Variants in ALDH5A1 observed in about 807,000 individuals in gnomAD.
The protein encoded by ALDH5A1 is aldehyde dehydrogenase 5 family member A1, also known as succinate-semialdehyde dehydrogenase, mitochondrial.
A neutral mutation model predicts 54.7 loss-of-function variants in ALDH5A1; 33 were observed. That is an observed-to-expected ratio of 0.60 (90% confidence interval 0.46 to 0.81). The LOEUF is 0.81. Ranked by LOEUF, ALDH5A1 falls within the 30% of genes least tolerant of loss-of-function variation. The pLI is 0.00. For synonymous variants in ALDH5A1, 294 were observed against 292.7 expected, an observed-to-expected ratio of 1.00 and a Z score of -0.05; for missense variants, 657 against 711.0, an observed-to-expected ratio of 0.92 and a Z score of 0.86.
chr6:24,508,283 G>A (rs2744587), intron 4 of ALDH5A1, among the ~76,000 whole-genome samples: 48,868 of 145,400 alleles, frequency 0.34, 8,386 homozygotes, highest in African/African-American at 0.4. Flanking sequence ...GAATCACTTG[G>A]ACTGAGAGGC....
rs1166181432 is a variant in ALDH5A1 at position 24,536,331 on chromosome 6, A to T, written c.*2619A>T. 3 of 152,206 alleles carry T rather than the reference A, an allele frequency of 2.0e-5. No homozygotes were observed. The highest frequency in any genetic ancestry group is 4.4e-5 in the Non-Finnish European group (3 of 68,042). The allele number at this position is 152,206 out of a possible 1,614,324, so 9.4% of individuals were successfully genotyped here. On this transcript the variant is annotated 3_prime_UTR_variant, in exon 10 of 10. Coordinates refer to ENST00000357578, the MANE Select transcript of ALDH5A1 (RefSeq NM_001080.3). ...CAAAAGAAGAACAATATTTCATGAC[A>T]CCTGAAAATTCTATGAAATTCAGAT...
rs1184463572 is a variant in ALDH5A1 at position 24,503,353 on chromosome 6, G to GAC, written c.531_532dup (p.Ile178ThrfsTer19). On this transcript the variant is annotated frameshift_variant, in exon 3 of 10. Transcript: ENST00000357578. LOFTEE classifies it high-confidence loss of function. ...TGAGGAAGCCCGCCGTGTTTACGGA[G>GAC]ACATTATCCACACCCCGGCAAAGGA... is the stretch of plus-strand genomic sequence containing the variant. 1.2e-6 allele frequency: 2 copies of GAC among 1,614,114 alleles called. No individual in the cohort carries two copies. The highest frequency in any genetic ancestry group is 1.7e-6 in the Non-Finnish European group (2 of 1,180,040).
intron 8 of ALDH5A1, among the ~76,000 whole-genome samples, chr6:24,530,501 C>T (rs1053570701): frequency 7.2e-5 from 11 of 152,280 alleles, no homozygotes; most frequent in East Asian, 1.9e-4. Flanking sequence ...CTTGCACCGT[C>T]GGCAGCCTTG....
At chr6:24,499,842 G>A (rs1474072543) in intron 1 of ALDH5A1, among the ~76,000 whole-genome samples, 1 of 151,994 alleles carries the variant, frequency 6.6e-6, no homozygotes, top group African/African-American at 2.4e-5. Flanking sequence ...TGTATTTTTA[G>A]TAGAGACGGG....
chr6:24,524,571 A>G (rs1374640043), intron 7 of ALDH5A1, among the ~76,000 whole-genome samples: 2 of 152,134 alleles, frequency 1.3e-5, no homozygotes, highest in East Asian at 1.9e-4. Context: ...ACCCACATCC[A>G]TTGCCTTGGG....
intron 6 of ALDH5A1, among the ~76,000 whole-genome samples, chr6:24,521,560 T>G (rs1184864021): frequency 6.6e-6 from 1 of 152,230 alleles, no homozygotes; most frequent in Admixed American, 6.5e-5. Flanking sequence ...AAAACTGAAA[T>G]GTGTGATATT....
intron 7 of ALDH5A1, among the ~76,000 whole-genome samples, chr6:24,523,334 T>TA (rs776774807): frequency 7.8e-5 from 11 of 140,148 alleles, no homozygotes; most frequent in Middle Eastern, 3.6e-3. Context: ...TAATAATAGC[T>TA]AAAAAAAATG....
rs1015527015 is a variant in ALDH5A1, at chr6:24,495,275, C to T, written c.279C>T (p.Cys93=). Residue 93 remains cysteine (C), a synonymous_variant, in exon 1 of 10, where the codon TGC becomes TGT. Coordinates refer to ENST00000357578, the MANE Select transcript of ALDH5A1 (RefSeq NM_001080.3). ...CCGCTCTGGGCATGGTAGCCGACTG[C>T]GGGGTGCGAGAGGCCCGCGCCGCCG... ...SGAALGMVAD[C]GVREARAAVR... 4 of 1,532,606 alleles carry T rather than the reference C, an allele frequency of 2.6e-6. No homozygotes were observed. Among genetic ancestry groups the T allele is most frequent in the Non-Finnish European group, 3.5e-6 (4 of 1,146,176 alleles). The allele number at this position is 1,532,606 out of a possible 1,614,324, so 94.9% of individuals were successfully genotyped here. A position where few individuals can be genotyped will look rare whatever the true frequency, so the allele number is the denominator to read the frequency against.
intron 9 of ALDH5A1, 39 bp from the exon 10 acceptor site, chr6:24,533,466 ACT>A (rs764340569): frequency 1.2e-6 from 2 of 1,602,438 alleles, no homozygotes; most frequent in Non-Finnish European, 1.7e-6. Flanking sequence ...GTCTTTAATG[ACT>A]CTTCTAAATG....
rs959759715 is a variant in ALDH5A1 at position 24,509,951 on chromosome 6, T to G, written c.726+4966T>G. 6.6e-6 allele frequency among the ~76,000 whole-genome samples: 1 copy of G among 152,138 alleles called. No homozygotes were observed. Among genetic ancestry groups the G allele is most frequent in the South Asian group, 2.1e-4 (1 of 4,826 alleles). On this transcript the variant is annotated intron_variant, in intron 4 of 9. Coordinates refer to ENST00000357578, the MANE Select transcript of ALDH5A1 (RefSeq NM_001080.3). The surrounding 1 kb of genome is among the most constrained non-coding windows in gnomAD (Gnocchi z 4.7). ...GATGTAAGCATTTAGGGCCATGAACTTGGCTCTTGGCACCACCTTTGCTGT... is the reference window on the plus strand; with the variant it reads ...GATGTAAGCATTTAGGGCCATGAACGTGGCTCTTGGCACCACCTTTGCTGT...
chr6:24,526,992 A>G (rs1269841910), intron 7 of ALDH5A1, among the ~76,000 whole-genome samples: 1 of 102,118 alleles, frequency 9.8e-6, no homozygotes, highest in South Asian at 2.9e-4. Flanking sequence ...ATATATATAT[A>G]TATATATATA....
At chr6:24,497,469 G>A (rs527349863) in intron 1 of ALDH5A1, among the ~76,000 whole-genome samples, 5 of 152,088 alleles carry the variant, frequency 3.3e-5, no homozygotes, top group African/African-American at 4.8e-5. Context: ...GCTCCAGATC[G>A]CTGATTGGTG....
chr6:24,526,953 A>ACTAT (rs1561878555), intron 7 of ALDH5A1, among the ~76,000 whole-genome samples: 1 of 106,036 alleles, frequency 9.4e-6, no homozygotes, highest in African/African-American at 5.3e-5. Context: ...ATATATATCT[A>ACTAT]ATATATATAT....
At position 24,509,425 on chromosome 6, in the gene ALDH5A1, T is replaced by G. The variant is rs879618142; in HGVS notation, c.726+4440T>G. 1.3e-5 allele frequency among the ~76,000 whole-genome samples: 2 copies of G among 152,246 alleles called. No individual in the cohort carries two copies. The highest frequency in any genetic ancestry group is 2.4e-5 in the African/African-American group (1 of 41,478). Reference sequence around the variant, plus strand: ...GTGTCAATAGGATTGATACCAATTCTTCTTTGAATGTCTGGTAGAATTCTG... The same window carrying G: ...GTGTCAATAGGATTGATACCAATTCGTCTTTGAATGTCTGGTAGAATTCTG... On this transcript the variant is annotated intron_variant, in intron 4 of 9. Coordinates refer to ENST00000357578, the MANE Select transcript of ALDH5A1 (RefSeq NM_001080.3). The surrounding 1 kb of genome is among the most constrained non-coding windows in gnomAD (Gnocchi z 4.7).
intron 6 of ALDH5A1, 23 bp downstream of exon 6, chr6:24,520,567 G>A (rs769312258): frequency 1.2e-6 from 2 of 1,613,484 alleles, no homozygotes; most frequent in African/African-American, 2.7e-5. Context: ...GAGTATTTCA[G>A]GATGTGTGTT....
chr6:24,495,215 C>G lies in ALDH5A1; in HGVS notation c.219C>G (p.Ala73=). 6.6e-7 allele frequency: 1 copy of G among 1,509,668 alleles called. No homozygotes were observed. Among genetic ancestry groups the G allele is most frequent in the Non-Finnish European group, 8.8e-7 (1 of 1,137,032 alleles). The allele number at this position is 1,509,668 out of a possible 1,614,324, so 93.5% of individuals were successfully genotyped here. Residue 73 remains alanine, a synonymous_variant, in exon 1 of 10, where the codon GCC becomes GCG. Transcript: ENST00000357578. ...TGGGCGGCCGCTGGCTCCCGGCCGCCGCCACCTTCCCCGTGCAAGACCCGG... is the reference window on the plus strand; with the variant it reads ...TGGGCGGCCGCTGGCTCCCGGCCGCGGCCACCTTCCCCGTGCAAGACCCGG... ...SFVGGRWLPA[A]ATFPVQDPAS...
chr6:24,495,433 A>G, intron 1 of ALDH5A1, 83 bp downstream of exon 1: 1 of 1,361,440 alleles, frequency 7.3e-7, no homozygotes, highest in Admixed American at 2.1e-5. Flanking sequence ...AAGTGACACC[A>G]GCCGCGTCGC....
intron 3 of ALDH5A1, among the ~76,000 whole-genome samples, chr6:24,504,536 A>G (rs1273194872): frequency 6.6e-6 from 1 of 152,252 alleles, no homozygotes; most frequent in Non-Finnish European, 1.5e-5. Flanking sequence ...ATACAGCTGC[A>G]GAGTTGAGTA....
In ALDH5A1 at chr6:24,495,102, G is replaced by A; in HGVS notation, c.106G>A (p.Gly36Arg). Reference sequence around the variant, plus strand: ...CGCCGGCGGCCTGGTCCCTGCCTCCGGGCCTGCGCCCGGCCCGGCCCAGCT... The same window carrying A: ...CGCCGGCGGCCTGGTCCCTGCCTCCAGGCCTGCGCCCGGCCCGGCCCAGCT... ...PRAGGLVPAS[G>R]PAPGPAQLRC... The change falls in exon 1 of 10, where the codon GGG (glycine) becomes AGG (arginine). Residue 36 changes from glycine (G) to arginine (R), a missense_variant. Physicochemically the swap from Gly to Arg is moderately radical, Grantham distance 125. Coordinates refer to ENST00000357578, the MANE Select transcript of ALDH5A1 (RefSeq NM_001080.3). The A allele has an allele frequency of 7.6e-7, 1 of 1,315,332 alleles. No individual in the cohort carries two copies. The highest frequency in any genetic ancestry group is 9.6e-7 in the Non-Finnish European group (1 of 1,039,604). 81.5% of individuals were successfully genotyped at this position (1,315,332 alleles called of 1,614,324 possible).
Sources: allele counts gnomAD v4.1 joint callset (sites outside exome capture counted in the v4.1 genomes callset), GRCh38; gene constraint gnomAD v4.1.1; non-coding constraint Gnocchi (gnomAD v3.1); transcripts MANE v1.5; gene names NCBI Gene and HGNC (gene_info 2026-07-23, HGNC 2026-07-21).